Variants in TMEM92 observed in about 807,000 individuals in gnomAD.
TMEM92 encodes transmembrane protein 92.
Under a neutral mutation model 14.6 loss-of-function variants are expected in TMEM92, and 15 were observed. That is an observed-to-expected ratio of 1.03 (90% CI 0.69 to 1.58). The LOEUF (loss-of-function observed/expected upper bound fraction) is 1.58. TMEM92 is among the 40% of genes most tolerant of loss of function. The pLI is 0.00. For missense variants in TMEM92, 174 were observed against 202.4 expected (o/e 0.86, Z 0.85); for synonymous variants, 85 against 83.3 (o/e 1.02, Z -0.11).
At chr17:50,274,851 A>T (rs1910375133) in intron 1 of TMEM92, 1 of 486,594 alleles carries the variant, frequency 2.1e-6, no homozygotes, top group Non-Finnish European at 3.6e-6. Context: ...GTGAATAGGG[A>T]CTTTGGACCC....
At chr17:50,274,113 G>C (rs1046233083), upstream of TMEM92, among the ~76,000 whole-genome samples, 2 of 151,954 alleles carry the variant, frequency 1.3e-5, no homozygotes, top group African/African-American at 4.8e-5. Flanking sequence ...TGAGTAGTTG[G>C]GATTACAGGC....
upstream of TMEM92, among the ~76,000 whole-genome samples, chr17:50,273,865 G>A (rs1039910524): frequency 2.0e-5 from 3 of 152,200 alleles, no homozygotes; most frequent in African/African-American, 7.2e-5. Flanking sequence ...CGCCGGTCCC[G>A]GCACCCCTCC....
At position 50,279,279 on chromosome 17, in the gene TMEM92, C is replaced by G; in HGVS notation, c.451C>G (p.Gln151Glu). 6.2e-7 allele frequency: 1 copy of G among 1,613,892 alleles called. No homozygotes were observed. The highest frequency in any genetic ancestry group is 8.5e-7 in the Non-Finnish European group (1 of 1,179,886). Residue 151 changes from glutamine to glutamate, a missense_variant, in exon 5 of 5, where the codon CAG becomes GAG. Transcript: ENST00000507382. ...SFRPEEYTGD[Q>E]RGIDNPAF ...CAGGCCTGAAGAATATACCGGGGAT[C>G]AGAGGGGCATTGACAACCCGGCCTT... is the stretch of plus-strand genomic sequence containing the variant.
chr17:50,273,917 G>A (rs1910332147), upstream of TMEM92, among the ~76,000 whole-genome samples: 1 of 152,172 alleles, frequency 6.6e-6, no homozygotes, highest in Non-Finnish European at 1.5e-5. Context: ...TTGGGAGTTA[G>A]GAAGGCCCAG....
At chr17:50,276,021 C>G (rs1190336369) in intron 1 of TMEM92, among the ~76,000 whole-genome samples, 1 of 151,982 alleles carries the variant, frequency 6.6e-6, no homozygotes, top group Admixed American at 6.6e-5. Flanking sequence ...ATCCCAGCTA[C>G]TTGGGAGGCT....
rs926315542 is a variant in TMEM92 at position 50,280,330 on chromosome 17, A to G, written c.*1022A>G. 1 of 152,298 alleles carries G rather than the reference A, an allele frequency of 6.6e-6. No homozygotes were observed. Among genetic ancestry groups the G allele is most frequent in the South Asian group, 2.1e-4 (1 of 4,832 alleles). 9.4% of individuals were successfully genotyped at this position (152,298 alleles called of 1,614,324 possible). ...ACGGCCCCACCCTGGAATCTCCTAC[A>G]GGAAGGTGAGGAGGTGGCAGGTTCC... On this transcript the variant is annotated 3_prime_UTR_variant, in exon 5 of 5. Transcript: ENST00000507382.
chr17:50,275,861 C>A (rs940869679), intron 1 of TMEM92, among the ~76,000 whole-genome samples: 3 of 152,160 alleles, frequency 2.0e-5, no homozygotes, highest in Admixed American at 1.3e-4. Context: ...GAATAGAGGC[C>A]AGGCGCAGTG....
At chr17:50,273,030 G>A (rs1342322582), upstream of TMEM92, among the ~76,000 whole-genome samples, 3 of 151,930 alleles carry the variant, frequency 2.0e-5, no homozygotes, top group Non-Finnish European at 4.4e-5. Flanking sequence ...AGGGAGAAGG[G>A]TGAGAGGCAG....
At chr17:50,275,286 C>T (rs1045647717) in intron 1 of TMEM92, among the ~76,000 whole-genome samples, 7 of 151,914 alleles carry the variant, frequency 4.6e-5, no homozygotes, top group East Asian at 1.9e-4. Flanking sequence ...ATTTAAGAAC[C>T]GGAGGGAAGT....
rs1009812614 is a variant in TMEM92 at position 50,280,089 on chromosome 17, C to G, written c.*781C>G. ...CCAATCCCTTCCGCCCAAGGCTTTCCTGGGACACATGGAGCCCAGCTCTCT... is the reference window on the plus strand; with the variant it reads ...CCAATCCCTTCCGCCCAAGGCTTTCGTGGGACACATGGAGCCCAGCTCTCT... On this transcript the variant is annotated 3_prime_UTR_variant, in exon 5 of 5. Transcript: ENST00000507382. 1.3e-5 allele frequency: 2 copies of G among 152,276 alleles called. No homozygotes were observed. The highest frequency in any genetic ancestry group is 6.5e-5 in the Admixed American group (1 of 15,286). 9.4% of individuals were successfully genotyped at this position (152,276 alleles called of 1,614,324 possible). A position where few individuals can be genotyped will look rare whatever the true frequency, so the allele number is the denominator to read the frequency against.
At chr17:50,275,282 G>C (rs1420335037) in intron 1 of TMEM92, among the ~76,000 whole-genome samples, 3 of 152,048 alleles carry the variant, frequency 2.0e-5, no homozygotes, top group Non-Finnish European at 4.4e-5. Context: ...TTCCATTTAA[G>C]AACCGGAGGG....
chr17:50,277,680 T>G, intron 1 of TMEM92, 35 bp from the exon 2 acceptor site: 1 of 1,613,834 alleles, frequency 6.2e-7, no homozygotes, highest in East Asian at 2.2e-5. Context: ...CCCCAGTTTA[T>G]GACCCTGACC....
upstream of TMEM92, among the ~76,000 whole-genome samples, chr17:50,273,792 T>C (rs1011859370): frequency 7.9e-5 from 12 of 152,096 alleles, no homozygotes; most frequent in African/African-American, 2.7e-4. Context: ...CTGCCCCCAT[T>C]TGACTTCTCA....
chr17:50,271,563 A>T (rs1039163156), upstream of TMEM92: 9 of 152,318 alleles, frequency 5.9e-5, no homozygotes, highest in Admixed American at 2.0e-4. Context: ...TATGTTGCCC[A>T]GGCTGGTCTC....
At chr17:50,272,935 C>T (rs1004015340), upstream of TMEM92, among the ~76,000 whole-genome samples, 1 of 151,620 alleles carries the variant, frequency 6.6e-6, no homozygotes, top group Admixed American at 6.6e-5. Flanking sequence ...GGGAAGAAAC[C>T]GAAACAGAAA....
rs1299248940 is a variant in TMEM92, at chr17:50,279,469, C to G, written c.*161C>G. ...TTACTTTTTCTGCTTCTGTTTCCAC[C>G]CCAGCTGCCTCTCTTGTCCTGAGGG... On this transcript the variant is annotated 3_prime_UTR_variant, in exon 5 of 5. Coordinates refer to ENST00000507382, the MANE Select transcript of TMEM92 (RefSeq NM_153229.3). 21 of 638,216 alleles carry G rather than the reference C, an allele frequency of 3.3e-5. No individual in the cohort carries two copies. Among genetic ancestry groups the G allele is most frequent in the Non-Finnish European group, 5.5e-6 (2 of 366,386 alleles). The allele number at this position is 638,216 out of a possible 1,614,324, so 39.5% of individuals were successfully genotyped here.
At chr17:50,277,614 C>A (rs780696168) in intron 1 of TMEM92, 101 bp from the exon 2 acceptor site, 40 of 1,393,140 alleles carry the variant, frequency 2.9e-5, no homozygotes, top group Non-Finnish European at 3.9e-5. Flanking sequence ...CTACTGGGGA[C>A]CTGCTGCCTG....
intron 2 of TMEM92, among the ~76,000 whole-genome samples, chr17:50,278,226 G>T (rs752555240): frequency 3.9e-5 from 6 of 152,038 alleles, no homozygotes; most frequent in Non-Finnish European, 8.8e-5. Context: ...CTCTTTCCCC[G>T]CACCTCCTTA....
At position 50,274,531 on chromosome 17, in the gene TMEM92, G is replaced by A. The variant is rs778401018; in HGVS notation, c.30G>A (p.Ala10=). MSQAWVPGL[A]PTLLFSLLAG... ...CCCAAGCTTGGGTCCCCGGCCTCGC[G>A]CCCACCTTGCTGTTCAGCCTGCTGG... is the stretch of plus-strand genomic sequence containing the variant. Residue 10 remains alanine (A), a synonymous_variant, in exon 1 of 5, where the codon GCG becomes GCA. Transcript: ENST00000507382. 23 of 1,613,822 alleles carry A rather than the reference G, an allele frequency of 1.4e-5. No individual in the cohort carries two copies. Among genetic ancestry groups the A allele is most frequent in the Non-Finnish European group, 1.9e-5 (22 of 1,179,938 alleles).
Sources: gnomAD v4.1 joint callset for allele counts (sites outside exome capture counted in the v4.1 genomes callset) on GRCh38, gnomAD v4.1.1 for gene constraint, MANE v1.5 for transcripts, NCBI Gene and HGNC (gene_info 2026-07-23, HGNC 2026-07-21) for gene names.